Variants in KTN1 observed in about 807,000 individuals in gnomAD.
KTN1 encodes the protein kinectin 1, also known as kinectin.
In KTN1, 130 loss-of-function variants were observed where a neutral mutation model predicts 222.5. The ratio of observed to expected loss-of-function variants is 0.58; its 90% CI spans 0.51 to 0.68. KTN1 has a LOEUF of 0.68. Ranked by LOEUF, KTN1 falls within the 30% of genes least tolerant of loss-of-function variation. The pLI, the probability that KTN1 is intolerant of heterozygous loss-of-function variation, is 0.00. For missense variants in KTN1, 1,508 were observed against 1,500.4 expected (o/e 1.01, Z -0.08); for synonymous variants, 512 against 496.3 (o/e 1.03, Z -0.42).
intron 1 of KTN1, among the ~76,000 whole-genome samples, chr14:55,590,915 C>A (rs2034004066): frequency 6.6e-6 from 1 of 152,114 alleles, no homozygotes; most frequent in African/African-American, 2.4e-5. Flanking sequence ...ACCTTGTGAT[C>A]CACCCGCCTT....
Position 55,618,071 on chromosome 14 carries a change from C to G in KTN1, c.769C>G (p.Pro257Ala), listed in dbSNP as rs767237982. 6.2e-7 allele frequency: 1 copy of G among 1,613,016 alleles called. No homozygotes were observed. The highest frequency in any genetic ancestry group is 8.5e-7 in the Non-Finnish European group (1 of 1,179,446). The change falls in exon 4 of 44, where the codon CCT becomes GCT. Residue 257 changes from proline (P) to alanine (A), a missense_variant. Pro to Ala is a conservative substitution (Grantham distance 27). Coordinates refer to ENST00000395314, the MANE Select transcript of KTN1 (RefSeq NM_001079521.2). ...GAGAGAGGTTATTGATTTGCTTAAA[C>G]CTGACCAAGTAGAAGGGATCCAGAA... ...DKREVIDLLK[P>A]DQVEGIQKSG... is the part of the protein sequence containing the mutation.
chr14:55,647,105 G>A, intron 19 of KTN1, 98 bp downstream of exon 19: 1 of 804,944 alleles, frequency 1.2e-6, no homozygotes, highest in Non-Finnish European at 2.1e-6. Flanking sequence ...CTTTGTAATG[G>A]AAGAAATGTA....
intron 41 of KTN1, among the ~76,000 whole-genome samples, chr14:55,676,215 A>T (rs1207962728): frequency 1.3e-5 from 2 of 152,180 alleles, no homozygotes; most frequent in African/African-American, 2.4e-5. Flanking sequence ...TATATTTTTT[A>T]AAATTGGGAT....
rs1183516045 is a variant in KTN1 at position 55,621,577 on chromosome 14, T to G, written c.963+2265T>G. 5.3e-4 allele frequency among the ~76,000 whole-genome samples: 80 copies of G among 152,232 alleles called. 1 individual carries two copies. The highest frequency in any genetic ancestry group is 5.1e-3 in the Admixed American group (78 of 15,288). ...ACCAAATGAAAGGGATTTTCCCTTTTAAAACCCTCAGATCTTGTGAGACTT... is the reference window on the plus strand; with the variant it reads ...ACCAAATGAAAGGGATTTTCCCTTTGAAAACCCTCAGATCTTGTGAGACTT... On this transcript the variant is annotated intron_variant, in intron 5 of 43. Coordinates refer to ENST00000395314, the MANE Select transcript of KTN1 (RefSeq NM_001079521.2).
intron 43 of KTN1, chr14:55,682,094 G>A (rs2046423669): frequency 1.3e-5 from 2 of 152,066 alleles, no homozygotes; most frequent in African/African-American, 4.8e-5. Context: ...TTCAATAAAG[G>A]GAGAGTTGTT....
chr14:55,615,586 G>C (rs1413052809), intron 2 of KTN1, among the ~76,000 whole-genome samples: 1 of 152,188 alleles, frequency 6.6e-6, no homozygotes, highest in Non-Finnish European at 1.5e-5. Context: ...GTCAAATAAG[G>C]AGTAATGAGT....
intron 18 of KTN1, 141 bp from the exon 19 acceptor site, chr14:55,646,831 CA>C (rs1456053677): frequency 3.3e-5 from 20 of 601,616 alleles, no homozygotes; most frequent in Non-Finnish European, 3.0e-6. Context: ...TTTTAATTAT[CA>C]AGTCTTCAGA....
chr14:55,616,765 G>A (rs1300228210), intron 3 of KTN1, 111 bp downstream of exon 3: 11 of 838,128 alleles, frequency 1.3e-5, no homozygotes, highest in Non-Finnish European at 2.0e-5. Context: ...GTGTGCTAAT[G>A]ACAACTGTAA....
intron 22 of KTN1, among the ~76,000 whole-genome samples, 184 bp downstream of exon 22, chr14:55,649,997 A>C (rs1021942850): frequency 3.3e-5 from 5 of 150,496 alleles, no homozygotes; most frequent in African/African-American, 7.3e-5. Context: ...GTATAATTAA[A>C]AAAAAAAAAA....
At chr14:55,669,103 A>C (rs747299205) in intron 34 of KTN1, among the ~76,000 whole-genome samples, 23 of 151,886 alleles carry the variant, frequency 1.5e-4, no homozygotes, top group Non-Finnish European at 3.1e-4. Context: ...TTTTGTTTCT[A>C]CTTTATATTT....
chr14:55,630,158 T>C (rs1594952193), intron 7 of KTN1, 61 bp downstream of exon 7: 1 of 1,442,594 alleles, frequency 6.9e-7, no homozygotes, highest in East Asian at 2.3e-5. Context: ...TAGCAAACTT[T>C]TAAGTGGCTA....
chr14:55,595,524 C>T (rs2034877948), intron 1 of KTN1, among the ~76,000 whole-genome samples: 1 of 152,182 alleles, frequency 6.6e-6, no homozygotes, highest in Non-Finnish European at 1.5e-5. Context: ...GCCCTTTGTT[C>T]TCATCCTCAT....
intron 11 of KTN1, 35 bp from the exon 12 acceptor site, chr14:55,637,743 CA>C (rs1265114573): frequency 6.8e-7 from 1 of 1,465,362 alleles, no homozygotes; most frequent in South Asian, 1.2e-5. Context: ...TATTTATTAG[CA>C]TGCTTTTTCT....
At chr14:55,582,030 A>T (rs538034231) in intron 1 of KTN1, among the ~76,000 whole-genome samples, 1 of 152,262 alleles carries the variant, frequency 6.6e-6, no homozygotes, top group East Asian at 1.9e-4. Context: ...CATCAGACAT[A>T]ACAATACCTT....
chr14:55,649,624 A>C (rs2042738514), intron 21 of KTN1, 152 bp from the exon 22 acceptor site: 1 of 565,616 alleles, frequency 1.8e-6, no homozygotes, highest in Admixed American at 4.0e-5. Flanking sequence ...TGTTGTCATT[A>C]TTATGACATT....
intron 24 of KTN1, among the ~76,000 whole-genome samples, chr14:55,650,958 G>A (rs936577712): frequency 1.3e-5 from 2 of 151,966 alleles, no homozygotes; most frequent in African/African-American, 2.4e-5. Flanking sequence ...AAAGAAAACT[G>A]CATGGACCAA....
intron 1 of KTN1, among the ~76,000 whole-genome samples, chr14:55,610,157 T>C (rs35047443): frequency 0.22 from 33,644 of 152,154 alleles, 4,237 homozygotes; most frequent in East Asian, 0.36. Flanking sequence ...TTCAGTCATA[T>C]AGATTAATAG....
In KTN1 at chr14:55,641,743, ACT is replaced by A; in HGVS notation, c.2158_2159del (p.Leu720CysfsTer3). 6.3e-7 allele frequency: 1 copy of A among 1,597,826 alleles called. No homozygotes were observed. Among genetic ancestry groups the A allele is most frequent in the South Asian group, 1.1e-5 (1 of 90,696 alleles). On this transcript the variant is annotated frameshift_variant, in exon 18 of 44. Transcript: ENST00000395314. LOFTEE classifies it high-confidence loss of function. ...ALKSEVQKLQ[T>X]LVSEQPNKDV... Reference sequence around the variant, plus strand: ...AAAATCAGAAGTTCAGAAGCTACAGACTCTTGTTTCTGAACAGGTAAGGCTTT... The same window carrying A: ...AAAATCAGAAGTTCAGAAGCTACAGACTTGTTTCTGAACAGGTAAGGCTTT...
At chr14:55,588,835 A>T (rs184130874) in intron 1 of KTN1, among the ~76,000 whole-genome samples, 1 of 152,346 alleles carries the variant, frequency 6.6e-6, no homozygotes. Context: ...GTAGTAAATT[A>T]TGAAATAGAC....
Sources: allele counts gnomAD v4.1 joint callset (sites outside exome capture counted in the v4.1 genomes callset), GRCh38; gene constraint gnomAD v4.1.1; transcripts MANE v1.5; gene names NCBI Gene and HGNC (gene_info 2026-07-23, HGNC 2026-07-21).